ALK: variants seen among roughly 807,000 people sequenced by gnomAD.
ALK encodes ALK receptor tyrosine kinase, also known as ALK tyrosine kinase receptor.
A neutral mutation model predicts 163.1 loss-of-function variants in ALK; 74 were observed. The observed-to-expected ratio is 0.45, with a 90% CI of 0.38 to 0.55. The LOEUF (loss-of-function observed/expected upper bound fraction) is 0.55. Ranked by LOEUF, ALK falls within the 20% of genes least tolerant of loss-of-function variation. The pLI is 0.00. For synonymous variants in ALK, 960 were observed against 843.2 expected, an observed-to-expected ratio of 1.14 and a Z score of -2.40; for missense variants, 2,063 against 2,105.3, an observed-to-expected ratio of 0.98 and a Z score of 0.39.
At chr2:29,298,369 A>G (rs559455304) in intron 8 of ALK, among the ~76,000 whole-genome samples, 1 of 152,282 alleles carries the variant, frequency 6.6e-6, no homozygotes, top group Non-Finnish European at 1.5e-5. Context: ...TGTACAAGCC[A>G]TGATTGGAAA....
chr2:29,665,608 G>C (rs1168693662), intron 3 of ALK, among the ~76,000 whole-genome samples: 4 of 151,938 alleles, frequency 2.6e-5, no homozygotes, highest in Non-Finnish European at 2.9e-5. Flanking sequence ...AGGTTGAAAG[G>C]GGGCCTATGC....
chr2:29,297,146 T>C, intron 8 of ALK, 89 bp from the exon 9 acceptor site: 6 of 1,504,660 alleles, frequency 4.0e-6, no homozygotes, highest in Non-Finnish European at 5.5e-6. Flanking sequence ...AAGGACCTTA[T>C]AAGAGACTCA....
chr2:29,748,371 C>T (rs1680260144), intron 1 of ALK, among the ~76,000 whole-genome samples: 1 of 152,146 alleles, frequency 6.6e-6, no homozygotes, highest in South Asian at 2.1e-4. Context: ...AGCAAGTGCT[C>T]TAAGCATATG....
At chr2:29,349,596 C>T (rs1459542093) in intron 5 of ALK, among the ~76,000 whole-genome samples, 1 of 152,198 alleles carries the variant, frequency 6.6e-6, no homozygotes, top group Non-Finnish European at 1.5e-5. Flanking sequence ...TTTAAATACT[C>T]TAGTGCAAAA....
chr2:29,814,432 G>A (rs1250388647), intron 1 of ALK, among the ~76,000 whole-genome samples: 12 of 151,790 alleles, frequency 7.9e-5, no homozygotes, highest in Admixed American at 1.3e-4. Context: ...AGGCCGAGGC[G>A]GGCGGATCAC....
chr2:29,588,945 T>A (rs573191732), intron 3 of ALK, among the ~76,000 whole-genome samples: 1 of 152,346 alleles, frequency 6.6e-6, no homozygotes, highest in East Asian at 1.9e-4. Flanking sequence ...CATTGGGTAC[T>A]GGTGAACAAG....
intron 11 of ALK, among the ~76,000 whole-genome samples, chr2:29,268,747 C>T (rs571143687): frequency 6.6e-6 from 1 of 152,322 alleles, no homozygotes. Flanking sequence ...TCCTAACAGG[C>T]ATGGGCTTAG....
At chr2:29,919,721 G>C (rs1056621903) in intron 1 of ALK, among the ~76,000 whole-genome samples, 1 of 152,136 alleles carries the variant, frequency 6.6e-6, no homozygotes, top group Non-Finnish European at 1.5e-5. Flanking sequence ...CTCGGACAGC[G>C]TATAAGTCCA....
intron 8 of ALK, among the ~76,000 whole-genome samples, chr2:29,312,136 C>T (rs986066909): frequency 4.6e-5 from 7 of 152,066 alleles, no homozygotes; most frequent in African/African-American, 1.4e-4. Context: ...CCAAACCCTC[C>T]AGATTCAGGC....
intron 1 of ALK, among the ~76,000 whole-genome samples, chr2:29,774,539 C>A (rs1377985555): frequency 6.6e-6 from 1 of 152,210 alleles, no homozygotes; most frequent in Non-Finnish European, 1.5e-5. Context: ...GCTATTTTCT[C>A]AAGAAGAAAC....
chr2:29,876,226 A>G (rs1260489980), intron 1 of ALK, among the ~76,000 whole-genome samples: 1 of 152,252 alleles, frequency 6.6e-6, no homozygotes, highest in East Asian at 1.9e-4. Flanking sequence ...ATAATACAAA[A>G]GATGCTTAGT....
intron 5 of ALK, among the ~76,000 whole-genome samples, chr2:29,362,801 T>C (rs1006225323): frequency 1.3e-5 from 2 of 152,216 alleles, no homozygotes; most frequent in African/African-American, 4.8e-5. Flanking sequence ...GGCACCTAGT[T>C]TGATGCCAGC....
chr2:29,914,542 T>C (rs1163206740), intron 1 of ALK, among the ~76,000 whole-genome samples: 8 of 152,270 alleles, frequency 5.3e-5, no homozygotes, highest in Non-Finnish European at 1.2e-4. Flanking sequence ...AGCACTTTAT[T>C]TTGCATCAGG....
chr2:29,862,466 C>T (rs1666320788), intron 1 of ALK, among the ~76,000 whole-genome samples: 1 of 152,058 alleles, frequency 6.6e-6, no homozygotes, highest in African/African-American at 2.4e-5. Flanking sequence ...ATGAAATCAT[C>T]ATACAAAATT....
chr2:29,754,762 C>T (rs1270377797), intron 1 of ALK, among the ~76,000 whole-genome samples: 1 of 152,074 alleles, frequency 6.6e-6, no homozygotes. Flanking sequence ...TTTAGGCTAA[C>T]AATATTTGCC....
At chr2:29,487,851 A>C (rs1277370201) in intron 4 of ALK, among the ~76,000 whole-genome samples, 2 of 152,084 alleles carry the variant, frequency 1.3e-5, no homozygotes, top group East Asian at 3.9e-4. Context: ...CAGCTTATGC[A>C]TCTCCCTCTC....
At chr2:29,792,134 T>G (rs1411822855) in intron 1 of ALK, among the ~76,000 whole-genome samples, 1 of 152,242 alleles carries the variant, frequency 6.6e-6, no homozygotes, top group African/African-American at 2.4e-5. Context: ...GTTTTAACCT[T>G]TTTTGTTAGG....
At position 29,220,815 on chromosome 2, in the gene ALK, A is replaced by G. The variant is rs2148166668; in HGVS notation, c.3536T>C (p.Ile1179Thr). The change falls in exon 23 of 29, where the codon ATT (isoleucine) becomes ACT (threonine). Residue 1179 changes from isoleucine (I) to threonine (T), a missense_variant. Coordinates refer to ENST00000389048, the MANE Select transcript of ALK (RefSeq NM_004304.5). ...CAGGCTCACCCCAATGCAGCGAACAATGTTCTGGTGGTTGAATTTGCTGCA... is the reference window on the plus strand; with the variant it reads ...CAGGCTCACCCCAATGCAGCGAACAGTGTTCTGGTGGTTGAATTTGCTGCA... Reference protein sequence around the residue: ...LIISKFNHQNIVRCIGVSLQS... With the variant: ...LIISKFNHQNTVRCIGVSLQS... The G allele has an allele frequency of 6.2e-7, 1 of 1,614,112 alleles. No individual in the cohort carries two copies. Among genetic ancestry groups the G allele is most frequent in the South Asian group, 1.1e-5 (1 of 91,076 alleles).
intron 3 of ALK, among the ~76,000 whole-genome samples, chr2:29,637,918 A>T (rs907711827): frequency 1.6e-4 from 24 of 152,266 alleles, no homozygotes; most frequent in African/African-American, 5.1e-4. Context: ...TAATTAAAAC[A>T]TATATAGTTG....
Sources: allele counts gnomAD v4.1 joint callset (sites outside exome capture counted in the v4.1 genomes callset), GRCh38; gene constraint gnomAD v4.1.1; transcripts MANE v1.5; gene names NCBI Gene and HGNC (gene_info 2026-07-23, HGNC 2026-07-21).